The following PHTF2 variants were observed in gnomAD, a reference collection of about 807,000 sequenced individuals.
PHTF2 encodes the protein putative homeodomain transcription factor 2.
In PHTF2, 60 loss-of-function variants were observed where a neutral mutation model predicts 101.2. The ratio of observed to expected loss-of-function variants is 0.59; its 90% CI spans 0.48 to 0.73. The LOEUF (loss-of-function observed/expected upper bound fraction) is 0.73. Among genes scored for constraint, PHTF2 ranks in the 30% least tolerant of loss-of-function variants. The pLI is 0.00. For synonymous variants in PHTF2, 311 were observed against 307.3 expected (o/e 1.01, Z -0.13); for missense variants, 747 against 908.7 (o/e 0.82, Z 2.29).
intron 1 of PHTF2, among the ~76,000 whole-genome samples, chr7:77,802,832 G>T (rs1197028211): frequency 6.6e-6 from 1 of 152,210 alleles, no homozygotes; most frequent in Admixed American, 6.5e-5. Context: ...CTCCTGGCCA[G>T]TGTGTTTTAA....
intron 5 of PHTF2, chr7:77,895,742 G>A (rs1055694286): frequency 6.6e-6 from 1 of 152,134 alleles, no homozygotes; most frequent in Non-Finnish European, 1.5e-5. Flanking sequence ...GATTATATTA[G>A]TTACTACTTG....
intron 2 of PHTF2, among the ~76,000 whole-genome samples, chr7:77,841,267 A>G (rs1470574093): frequency 1.3e-5 from 2 of 151,466 alleles, no homozygotes; most frequent in Non-Finnish European, 2.9e-5. Context: ...TTTAGTAGAG[A>G]CAGGGTTTCG....
In PHTF2 at chr7:77,894,097, G is replaced by A. The variant is rs57460768; in HGVS notation, c.216+104G>A. ...GCTACTAACAGATTGACTTGGACTC[G>A]AAAAGAGTCACTGAAAAGTTGGTCA... On this transcript the variant is annotated intron_variant, in intron 5 of 19. Transcript: ENST00000416283. 1.7e-3 allele frequency: 1,529 copies of A among 879,374 alleles called. 6 individuals carry two copies. In the African/African-American group the frequency reaches 0.019, roughly 11 times the overall value. 54.5% of individuals were successfully genotyped at this position (879,374 alleles called of 1,614,324 possible). A position where few individuals can be genotyped will look rare whatever the true frequency, so the allele number is the denominator to read the frequency against.
At chr7:77,946,205 A>G (rs1157938402) in intron 16 of PHTF2, among the ~76,000 whole-genome samples, 3 of 152,218 alleles carry the variant, frequency 2.0e-5, no homozygotes, top group Non-Finnish European at 4.4e-5. Context: ...AAAACATGCA[A>G]TCATATCAAT....
At chr7:77,833,336 G>A (rs1371970327) in intron 1 of PHTF2, among the ~76,000 whole-genome samples, 2 of 152,152 alleles carry the variant, frequency 1.3e-5, no homozygotes, top group African/African-American at 4.8e-5. Context: ...GGACAATTAA[G>A]GTCAGATTGT....
chr7:77,829,558 T>C (rs76795619), intron 1 of PHTF2, among the ~76,000 whole-genome samples: 1 of 152,228 alleles, frequency 6.6e-6, no homozygotes, highest in Non-Finnish European at 1.5e-5. Context: ...AATTTATAGA[T>C]CACATGATTA....
chr7:77,837,709 A>G (rs979904509), intron 1 of PHTF2, among the ~76,000 whole-genome samples: 4 of 152,204 alleles, frequency 2.6e-5, no homozygotes, highest in Non-Finnish European at 4.4e-5. Context: ...ATCTAAGTGT[A>G]GCTTGGTAAA....
chr7:77,849,065 T>G (rs532309015), intron 2 of PHTF2, among the ~76,000 whole-genome samples: 2 of 152,214 alleles, frequency 1.3e-5, no homozygotes, highest in Admixed American at 1.3e-4. Flanking sequence ...GGGCTTCTAT[T>G]GTGTTCCACT....
chr7:77,871,688 A>G (rs1798532710), intron 3 of PHTF2, among the ~76,000 whole-genome samples: 1 of 152,188 alleles, frequency 6.6e-6, no homozygotes, highest in South Asian at 2.1e-4. Flanking sequence ...ATTGTCACCT[A>G]GTTGCCGTTG....
At chr7:77,910,070 G>A in intron 8 of PHTF2, 175 bp from the exon 8 acceptor site, 1 of 524,804 alleles carries the variant, frequency 1.9e-6, no homozygotes, top group Non-Finnish European at 3.4e-6. Context: ...TCTAGAAATT[G>A]GTCTTGAATA....
Position 77,954,612 on chromosome 7 carries a change from GTATATATATATATATA to G in PHTF2, c.2338-227_2338-212del, listed in dbSNP as rs66540211. Reference sequence around the variant, plus strand: ...GATAATCATATTAAACAAGTACTGTGTATATATATATATATATATATATATATATATATAGCCACTT... The same window carrying G: ...GATAATCATATTAAACAAGTACTGTGTATATATATATATATATAGCCACTT... On this transcript the variant is annotated intron_variant, in intron 19 of 19. Transcript: ENST00000416283. Among the ~76,000 whole-genome samples, 9 of 90,200 alleles carry G rather than the reference GTATATATATATATATA, an allele frequency of 1.0e-4. No homozygotes were observed. In the South Asian group the frequency reaches 1.3e-3, roughly 13 times the overall value. The allele number at this position is 90,200 out of a possible 152,430, so 59.2% of individuals were successfully genotyped here.
chr7:77,852,712 C>G (rs1562876146), intron 2 of PHTF2, among the ~76,000 whole-genome samples: 1 of 152,082 alleles, frequency 6.6e-6, no homozygotes, highest in Non-Finnish European at 1.5e-5. Context: ...TTTCTTATTG[C>G]TTTTTAACCT....
intron 3 of PHTF2, among the ~76,000 whole-genome samples, chr7:77,888,137 C>A (rs553105791): frequency 1.4e-4 from 21 of 151,202 alleles, no homozygotes; most frequent in Non-Finnish European, 2.8e-4. Context: ...TTTTTTGAGA[C>A]GGAGTTTCAC....
chr7:77,898,003 T>C (rs995235593), intron 5 of PHTF2, among the ~76,000 whole-genome samples: 9 of 151,858 alleles, frequency 5.9e-5, no homozygotes, highest in African/African-American at 2.2e-4. Context: ...TTTTTTTTCT[T>C]TTTAAACCTT....
chr7:77,823,591 T>G (rs1421856981), intron 1 of PHTF2, among the ~76,000 whole-genome samples: 1 of 152,240 alleles, frequency 6.6e-6, no homozygotes, highest in Non-Finnish European at 1.5e-5. Context: ...CAATTTAATT[T>G]CCTTAGAAGG....
chr7:77,889,105 A>G (rs1411296005), intron 3 of PHTF2, among the ~76,000 whole-genome samples: 2 of 152,156 alleles, frequency 1.3e-5, no homozygotes, highest in Non-Finnish European at 1.5e-5. Flanking sequence ...CCATGACCCT[A>G]AGTCTTGAGA....
chr7:77,939,731 A>T (rs1805481608), intron 13 of PHTF2, among the ~76,000 whole-genome samples: 1 of 152,182 alleles, frequency 6.6e-6, no homozygotes. Flanking sequence ...TTAATATTGC[A>T]GTATTTATGA....
intron 9 of PHTF2, among the ~76,000 whole-genome samples, chr7:77,915,734 T>A (rs560861649): frequency 2.6e-5 from 4 of 152,198 alleles, no homozygotes; most frequent in African/African-American, 9.7e-5. Context: ...TAGGGTTTTT[T>A]CCTTGCCAAG....
At chr7:77,865,369 G>GCA (rs1050112084) in intron 3 of PHTF2, among the ~76,000 whole-genome samples, 1 of 152,012 alleles carries the variant, frequency 6.6e-6, no homozygotes, top group Non-Finnish European at 1.5e-5. Flanking sequence ...GGGACTACAG[G>GCA]CATGCGTCAC....
Sources: allele counts gnomAD v4.1 joint callset (sites outside exome capture counted in the v4.1 genomes callset), GRCh38; gene constraint gnomAD v4.1.1; transcripts MANE v1.5; gene names NCBI Gene and HGNC (gene_info 2026-07-23, HGNC 2026-07-21).